The following DMTN variants were observed in gnomAD, a reference collection of about 807,000 sequenced individuals.
DMTN encodes the protein dematin actin binding protein.
In DMTN, 27 loss-of-function variants were observed where a neutral mutation model predicts 59.4. That is an observed-to-expected ratio of 0.45 (90% CI 0.33 to 0.63). The LOEUF is 0.63. Ranked by LOEUF, DMTN falls within the 20% of genes least tolerant of loss-of-function variation. DMTN has a pLI of 0.02. For synonymous variants in DMTN, 221 were observed against 203.7 expected, an observed-to-expected ratio of 1.08 and a Z score of -0.72; for missense variants, 451 against 528.9, an observed-to-expected ratio of 0.85 and a Z score of 1.45.
At chr8:22,069,319 G>A (rs1813323352) in intron 5 of DMTN, 100 bp from the exon 6 acceptor site, 3 of 1,095,698 alleles carry the variant, frequency 2.7e-6, no homozygotes, top group Non-Finnish European at 3.9e-6. Context: ...GATGCAGCCG[G>A]CCAGGATGGG....
At chr8:22,055,988 A>G (rs1802400014), upstream of DMTN, among the ~76,000 whole-genome samples, 1 of 152,122 alleles carries the variant, frequency 6.6e-6, no homozygotes, top group Non-Finnish European at 1.5e-5. Flanking sequence ...TGGAGAGGAC[A>G]TTGGGGCCAG....
At chr8:22,069,624 A>C in intron 6 of DMTN, 106 bp downstream of exon 6, 4 of 1,042,946 alleles carry the variant, frequency 3.8e-6, no homozygotes. Flanking sequence ...TGCTCGCCTC[A>C]GGGCTAAGTA....
chr8:22,081,074 A>T (rs759743665), intron 14 of DMTN, 39 bp from the exon 15 acceptor site: 1 of 1,541,420 alleles, frequency 6.5e-7, no homozygotes, highest in Non-Finnish European at 9.0e-7. Context: ...AGGACAGGAT[A>T]TTCTGTGAGC....
upstream of DMTN, among the ~76,000 whole-genome samples, chr8:22,054,090 C>T (rs12549516): frequency 0.11 from 14,323 of 134,902 alleles, 924 homozygotes; most frequent in Admixed American, 0.15. Context: ...CCCCTCTGAA[C>T]GCCCACCACC....
rs754472169 is a variant in DMTN at position 22,080,902 on chromosome 8, G to A, written c.1023+32G>A. 67 of 1,538,142 alleles carry A rather than the reference G, an allele frequency of 4.4e-5. No homozygotes were observed. The Middle Eastern group carries it at 7.1e-4, about 16-fold the overall frequency. Reference sequence around the variant, plus strand: ...GGCAGGGGACACAAGCGCCTGTAGCGGGGCGGGAGGCTGGGGAGATGCCAG... The same window carrying A: ...GGCAGGGGACACAAGCGCCTGTAGCAGGGCGGGAGGCTGGGGAGATGCCAG... On this transcript the variant is annotated intron_variant, in intron 14 of 15. Coordinates refer to ENST00000358242, the MANE Select transcript of DMTN (RefSeq NM_001387751.1).
chr8:22,067,175 G>C lies in DMTN; in HGVS notation c.93+16G>C. On this transcript the variant is annotated intron_variant, in intron 3 of 15. Coordinates refer to ENST00000358242, the MANE Select transcript of DMTN (RefSeq NM_001387751.1). ...CAGCATCGTGGTGAGTACCCCTCTC[G>C]GCCACCAGCAACCCCTGGCTGGGAG... The C allele has an allele frequency of 6.2e-7, 1 of 1,607,586 alleles. No homozygotes were observed. Among genetic ancestry groups the C allele is most frequent in the Non-Finnish European group, 8.5e-7 (1 of 1,177,438 alleles).
intron 5 of DMTN, 152 bp from the exon 6 acceptor site, chr8:22,069,267 G>T: frequency 1.2e-6 from 1 of 850,010 alleles, no homozygotes; most frequent in Non-Finnish European, 1.8e-6. Context: ...ACCATCAGTA[G>T]GTCCTTGGAA....
intron 15 of DMTN, 52 bp from the exon 16 acceptor site, chr8:22,081,298 G>A (rs1824139590): frequency 6.3e-7 from 1 of 1,595,454 alleles, no homozygotes; most frequent in South Asian, 1.1e-5. Flanking sequence ...CTAGGTCACT[G>A]GGCACAGCCC....
intron 4 of DMTN, among the ~76,000 whole-genome samples, chr8:22,068,400 AC>A (rs1406141024): frequency 6.6e-6 from 1 of 152,024 alleles, no homozygotes; most frequent in Non-Finnish European, 1.5e-5. Context: ...ACACAGGGAG[AC>A]CCCCATCTCT....
chr8:22,067,817 C>A, intron 4 of DMTN, 135 bp downstream of exon 4: 1 of 1,053,392 alleles, frequency 9.5e-7, no homozygotes, highest in Non-Finnish European at 1.3e-6. Context: ...TGCGCAGGAA[C>A]CAACCAGTCA....
chr8:22,081,765 A>G lies in DMTN; in HGVS notation c.*302A>G. ...CTGCCCCTCACCCCAGAGGGTGAGG[A>G]GGAATGAGGGGCATTGGTGGTTAGG... On this transcript the variant is annotated 3_prime_UTR_variant, in exon 16 of 16. Transcript: ENST00000358242. The G allele has an allele frequency of 1.9e-6, 1 of 529,120 alleles. No individual in the cohort carries two copies. The allele number at this position is 529,120 out of a possible 1,614,324, so 32.8% of individuals were successfully genotyped here.
chr8:22,080,937 A>G lies in DMTN; in HGVS notation c.1023+67A>G, dbSNP rs1823860981. ...GCTGGGGAGATGCCAGGCAAGTGGA[A>G]TGTGCTGCGGGGTCTTCCTGGTGTT... is the stretch of plus-strand genomic sequence containing the variant. On this transcript the variant is annotated intron_variant, in intron 14 of 15. Coordinates refer to ENST00000358242, the MANE Select transcript of DMTN (RefSeq NM_001387751.1). The G allele has an allele frequency of 2.0e-6, 3 of 1,515,586 alleles. No homozygotes were observed. In the South Asian group the frequency reaches 3.9e-5, roughly 19 times the overall value. 93.9% of individuals were successfully genotyped at this position (1,515,586 alleles called of 1,614,324 possible). A position where few individuals can be genotyped will look rare whatever the true frequency, so the allele number is the denominator to read the frequency against.
upstream of DMTN, chr8:22,054,722 A>T (rs1318599110): frequency 1.3e-5 from 2 of 152,720 alleles, no homozygotes. Context: ...GGGATGGGGT[A>T]CTTGGTGGGG....
rs1408984216 is a variant in DMTN, at chr8:22,060,745, G to A, written c.-172+3609G>A. 6.6e-6 allele frequency among the ~76,000 whole-genome samples: 1 copy of A among 152,212 alleles called. No homozygotes were observed. The highest frequency in any genetic ancestry group is 1.9e-4 in the East Asian group (1 of 5,198). On this transcript the variant is annotated intron_variant, in intron 1 of 15. Transcript: ENST00000358242. The surrounding 1 kb of genome is among the most constrained non-coding windows in gnomAD (Gnocchi z 5.0). The stretch of plus-strand genomic sequence containing the variant: ...CAGCAGTGGGGTTGTGGGCAGGAAG[G>A]GACTGGAGACAGAGCAGAGGTGAGA...
intron 10 of DMTN, among the ~76,000 whole-genome samples, chr8:22,076,674 CATAT>C (rs202150459): frequency 1.3e-5 from 2 of 151,058 alleles, no homozygotes; most frequent in South Asian, 4.2e-4. Context: ...TATACAGTGA[CATAT>C]ATATATAGTG....
At chr8:22,073,864 A>G (rs1563502819) in intron 10 of DMTN, 29 bp downstream of exon 10, 1 of 1,588,184 alleles carries the variant, frequency 6.3e-7, no homozygotes, top group African/African-American at 1.3e-5. Flanking sequence ...GCTCAGAGTC[A>G]CCTGGCCAGA....
intron 10 of DMTN, among the ~76,000 whole-genome samples, chr8:22,076,035 A>T (rs1819530923): frequency 6.6e-6 from 1 of 152,204 alleles, no homozygotes; most frequent in Non-Finnish European, 1.5e-5. Flanking sequence ...GGCTGATTGG[A>T]CGTGGGAGGT....
chr8:22,049,104 GGGCCCCGGGCCCCA>G (rs1356922405), upstream of DMTN: 1 of 148,586 alleles, frequency 6.7e-6, no homozygotes. Flanking sequence ...GCATCCAGCC[GGGCCCCGGGCCCCA>G]GGCCCCAGGC....
rs1019801151 is a variant in DMTN at position 22,082,090 on chromosome 8, G to T, written c.*627G>T. 2.4e-5 allele frequency: 11 copies of T among 456,622 alleles called. No homozygotes were observed. The highest frequency in any genetic ancestry group is 4.4e-5 in the Non-Finnish European group (10 of 226,988). The allele number at this position is 456,622 out of a possible 1,614,324, so 28.3% of individuals were successfully genotyped here. On this transcript the variant is annotated 3_prime_UTR_variant, in exon 16 of 16. Transcript: ENST00000358242. Reference sequence around the variant, plus strand: ...AGAAGCCTGGGCTTAGGGTGGAGATGCCGCCTACACACGATCCTGGCCCTC... The same window carrying T: ...AGAAGCCTGGGCTTAGGGTGGAGATTCCGCCTACACACGATCCTGGCCCTC...
Sources: gnomAD v4.1 joint callset for allele counts (sites outside exome capture counted in the v4.1 genomes callset) on GRCh38, gnomAD v4.1.1 for gene constraint, Gnocchi (gnomAD v3.1) non-coding constraint, MANE v1.5 for transcripts, NCBI Gene and HGNC (gene_info 2026-07-23, HGNC 2026-07-21) for gene names.